Variants in SPAG16 observed in about 807,000 individuals in gnomAD.
SPAG16 encodes sperm-associated antigen 16 protein.
In SPAG16, 86 loss-of-function variants were observed where a neutral mutation model predicts 80.4. The ratio of observed to expected loss-of-function variants is 1.07; its 90% CI spans 0.90 to 1.28. The LOEUF (loss-of-function observed/expected upper bound fraction) is 1.28. Ranked by LOEUF, SPAG16 falls within the 50% of genes most tolerant of loss-of-function variation. The pLI is 0.00. For synonymous variants in SPAG16, 294 were observed against 265.9 expected (o/e 1.11, Z -1.03); for missense variants, 870 against 765.3 (o/e 1.14, Z -1.61).
intron 13 of SPAG16, among the ~76,000 whole-genome samples, chr2:214,015,783 A>C (rs1042383283): frequency 6.6e-6 from 1 of 152,050 alleles, no homozygotes; most frequent in African/African-American, 2.4e-5. Flanking sequence ...TGTTCCATTC[A>C]GTTGGCTGGG....
chr2:213,553,426 C>T (rs776125786), intron 10 of SPAG16, among the ~76,000 whole-genome samples: 6 of 152,110 alleles, frequency 3.9e-5, no homozygotes, highest in Admixed American at 6.5e-5. Flanking sequence ...TGACAGGAAC[C>T]GCTGTGGTTA....
intron 15 of SPAG16, among the ~76,000 whole-genome samples, chr2:214,217,066 A>G (rs1037416000): frequency 1.3e-5 from 2 of 152,254 alleles, no homozygotes; most frequent in South Asian, 2.1e-4. Context: ...ACAATGATTT[A>G]TAAGAGCCAA....
In SPAG16 at chr2:214,010,846, A is replaced by G. The variant is rs1418822504; in HGVS notation, c.1401-3105A>G. 2.7e-5 allele frequency among the ~76,000 whole-genome samples: 4 copies of G among 146,754 alleles called. No individual in the cohort carries two copies. The East Asian group carries it at 7.8e-4, about 29-fold the overall frequency. Reference sequence around the variant, plus strand: ...TTTTTGATATTCTAAATTTAACAATAAGATTTTTTTAAATTTCAGAGGTGA... The same window carrying G: ...TTTTTGATATTCTAAATTTAACAATGAGATTTTTTTAAATTTCAGAGGTGA... On this transcript the variant is annotated intron_variant, in intron 12 of 15. Transcript: ENST00000331683.
At chr2:213,483,343 G>T (rs2073839745) in intron 9 of SPAG16, among the ~76,000 whole-genome samples, 1 of 152,016 alleles carries the variant, frequency 6.6e-6, no homozygotes. Flanking sequence ...AAGGTGTTTG[G>T]TCATTATTTA....
chr2:213,992,175 G>C (rs894221103), intron 12 of SPAG16, among the ~76,000 whole-genome samples: 1 of 151,996 alleles, frequency 6.6e-6, no homozygotes, highest in South Asian at 2.1e-4. Context: ...ACTACATACT[G>C]TTTTCCAGGA....
intron 10 of SPAG16, among the ~76,000 whole-genome samples, chr2:213,606,183 C>T (rs1179221463): frequency 6.6e-6 from 1 of 152,202 alleles, no homozygotes; most frequent in Admixed American, 6.5e-5. Context: ...CCATTATATA[C>T]ATATGCCACA....
intron 15 of SPAG16, among the ~76,000 whole-genome samples, chr2:214,362,578 A>G (rs1699249727): frequency 6.6e-6 from 1 of 151,870 alleles, no homozygotes; most frequent in South Asian, 2.1e-4. Flanking sequence ...ATAGCCTAAT[A>G]TCTTGCCAAT....
intron 10 of SPAG16, among the ~76,000 whole-genome samples, chr2:213,604,542 T>A (rs1260369606): frequency 3.9e-5 from 6 of 152,218 alleles, no homozygotes; most frequent in Non-Finnish European, 7.3e-5. Flanking sequence ...TTGCCTAGGT[T>A]CAGTATCTTC....
At position 213,822,953 on chromosome 2, in the gene SPAG16, C is replaced by T. The variant is rs554728589; in HGVS notation, c.1071-39532C>T. Among the ~76,000 whole-genome samples, 10 of 152,286 alleles carry T rather than the reference C, an allele frequency of 6.6e-5. No homozygotes were observed. In the East Asian group the frequency reaches 1.9e-3, roughly 29 times the overall value. On this transcript the variant is annotated intron_variant, in intron 10 of 15. Coordinates refer to ENST00000331683, the MANE Select transcript of SPAG16 (RefSeq NM_024532.5). ...AGTATTCCATGGTGTATAAGTATCA[C>T]ATTTCTTTATCCAGTCTATCATTGA...
intron 10 of SPAG16, among the ~76,000 whole-genome samples, chr2:213,496,652 GTATAA>G (rs141972707): frequency 0.013 from 1,989 of 151,354 alleles, 20 homozygotes; most frequent in South Asian, 0.036. Flanking sequence ...ATATGGATAT[GTATAA>G]TATAAGCTTT....
chr2:214,054,615 A>G (rs191719662), intron 13 of SPAG16, among the ~76,000 whole-genome samples: 49 of 152,286 alleles, frequency 3.2e-4, no homozygotes, highest in African/African-American at 1.1e-3. Context: ...TAATATTTCT[A>G]TAATTTTTTT....
chr2:214,244,781 T>C (rs1199615460), intron 15 of SPAG16, among the ~76,000 whole-genome samples: 1 of 152,156 alleles, frequency 6.6e-6, no homozygotes, highest in Non-Finnish European at 1.5e-5. Context: ...GTTACTAATA[T>C]AGCTGATTAT....
chr2:213,356,004 G>A (rs1480564175), intron 7 of SPAG16, among the ~76,000 whole-genome samples: 2 of 152,096 alleles, frequency 1.3e-5, no homozygotes, highest in Non-Finnish European at 2.9e-5. Context: ...TTGGCTGTGG[G>A]TTTGTCATAA....
At chr2:214,012,278 A>ATTTTTTTTTTT (rs1559689715) in intron 12 of SPAG16, among the ~76,000 whole-genome samples, 1 of 45,086 alleles carries the variant, frequency 2.2e-5, no homozygotes, top group African/African-American at 1.0e-4. Context: ...ATATATATAT[A>ATTTTTTTTTTT]TATATATATA....
chr2:213,976,263 CATAT>C (rs201076602), intron 12 of SPAG16, among the ~76,000 whole-genome samples: 1 of 150,714 alleles, frequency 6.6e-6, no homozygotes, highest in Non-Finnish European at 1.5e-5. Flanking sequence ...TATATACACA[CATAT>C]ACATATGCGT....
At chr2:213,339,230 A>C (rs1033191964) in intron 5 of SPAG16, among the ~76,000 whole-genome samples, 1 of 152,170 alleles carries the variant, frequency 6.6e-6, no homozygotes, top group African/African-American at 2.4e-5. Flanking sequence ...CTTAAAGCAG[A>C]AATCTGTTCG....
chr2:213,525,284 CTTTTTT>C (rs71060436), intron 10 of SPAG16, among the ~76,000 whole-genome samples: 5 of 100,338 alleles, frequency 5.0e-5, no homozygotes, highest in Non-Finnish European at 9.8e-5. Context: ...TTTTCCTTTT[CTTTTTT>C]TTTTTTTTTT....
At chr2:214,012,280 ATATATATATT>A (rs1195813529) in intron 12 of SPAG16, among the ~76,000 whole-genome samples, 2 of 46,386 alleles carry the variant, frequency 4.3e-5, no homozygotes, top group Non-Finnish European at 7.7e-5. Flanking sequence ...ATATATATAT[ATATATATATT>A]TTTTTTTTTT....
At chr2:213,652,342 T>TAAAA (rs2063054217) in intron 10 of SPAG16, among the ~76,000 whole-genome samples, 1 of 152,104 alleles carries the variant, frequency 6.6e-6, no homozygotes, top group East Asian at 1.9e-4. Flanking sequence ...TATTCACCAA[T>TAAAA]AATCATTCAC....
Sources: allele counts gnomAD v4.1 joint callset (sites outside exome capture counted in the v4.1 genomes callset), GRCh38; gene constraint gnomAD v4.1.1; transcripts MANE v1.5; gene names NCBI Gene and HGNC (gene_info 2026-07-23, HGNC 2026-07-21).